TTL: variants seen among roughly 807,000 people sequenced by gnomAD.
TTL encodes the protein tubulin--tyrosine ligase.
A neutral mutation model predicts 41.1 loss-of-function variants in TTL; 10 were observed. That is an observed-to-expected ratio of 0.24 (90% CI 0.15 to 0.41). The LOEUF (loss-of-function observed/expected upper bound fraction) is 0.41, where lower values mean the gene tolerates loss of function less well. Among genes scored for constraint, TTL ranks in the 10% least tolerant of loss-of-function variants. The probability of loss-of-function intolerance (pLI) is 1.00; values close to 1 mark genes in which losing one functional copy is unlikely to be tolerated. For missense variants in TTL, 367 were observed against 460.4 expected (o/e 0.80, Z 1.86); for synonymous variants, 175 against 175.5 (o/e 1.00, Z 0.02).
At chr2:112,495,624 G>C (rs1681503688) in intron 3 of TTL, among the ~76,000 whole-genome samples, 1 of 152,174 alleles carries the variant, frequency 6.6e-6, no homozygotes. Context: ...GAGGCGGGCG[G>C]ATCACAAGGT....
intron 3 of TTL, among the ~76,000 whole-genome samples, chr2:112,500,072 A>G (rs1681649546): frequency 6.6e-6 from 1 of 152,198 alleles, no homozygotes; most frequent in Non-Finnish European, 1.5e-5. Context: ...AATGGGGATG[A>G]GCCTTGAAAA....
intron 6 of TTL, among the ~76,000 whole-genome samples, chr2:112,526,339 T>C (rs1244754146): frequency 6.6e-6 from 1 of 152,170 alleles, no homozygotes; most frequent in Non-Finnish European, 1.5e-5. Flanking sequence ...TTTCTGTTGA[T>C]TGGAATAGTT....
intron 2 of TTL, among the ~76,000 whole-genome samples, chr2:112,488,009 C>A (rs1681287827): frequency 6.6e-6 from 1 of 152,208 alleles, no homozygotes; most frequent in African/African-American, 2.4e-5. Context: ...TTTTAATCTG[C>A]ACAAATGGGA....
At chr2:112,507,862 G>T (rs1681832748) in intron 5 of TTL, among the ~76,000 whole-genome samples, 2 of 101,288 alleles carry the variant, frequency 2.0e-5, no homozygotes, top group African/African-American at 4.3e-5. Context: ...TCATTATGAT[G>T]TTAGCTGGTG....
rs887089445 is a variant in TTL, at chr2:112,519,999, G to A, written c.876-283G>A. ...TACAAAATTAGCTGGGTGCGGTGGC[G>A]CATGCCTGTAATCCCAGCTGCTCGG... On this transcript the variant is annotated intron_variant, in intron 5 of 6. Transcript: ENST00000233336. 4.0e-5 allele frequency among the ~76,000 whole-genome samples: 6 copies of A among 151,730 alleles called. No individual in the cohort carries two copies. The East Asian group carries it at 9.7e-4, about 24-fold the overall frequency.
intron 2 of TTL, among the ~76,000 whole-genome samples, chr2:112,491,593 T>A (rs1218001201): frequency 6.6e-6 from 1 of 152,236 alleles, no homozygotes; most frequent in Non-Finnish European, 1.5e-5. Context: ...TAAAATGGTT[T>A]TCTTTTTGTG....
At chr2:112,492,445 T>C (rs1463324985) in intron 2 of TTL, among the ~76,000 whole-genome samples, 1 of 151,772 alleles carries the variant, frequency 6.6e-6, no homozygotes, top group Non-Finnish European at 1.5e-5. Flanking sequence ...ATTAGCTGGG[T>C]GTGGGCCGGG....
At chr2:112,521,534 C>G (rs191145167) in intron 6 of TTL, among the ~76,000 whole-genome samples, 35 of 152,320 alleles carry the variant, frequency 2.3e-4, no homozygotes, top group Admixed American at 1.6e-3. Flanking sequence ...CTGCAAGGGA[C>G]GATGTCAACA....
intron 2 of TTL, among the ~76,000 whole-genome samples, chr2:112,486,419 A>G (rs771086133): frequency 3.3e-5 from 5 of 152,244 alleles, no homozygotes; most frequent in Non-Finnish European, 4.4e-5. Context: ...ATGCTCCAGT[A>G]TCAGTCAGCC....
Position 112,494,076 on chromosome 2 carries a change from G to A in TTL, c.237-67G>A. On this transcript the variant is annotated intron_variant, in intron 2 of 6. Transcript: ENST00000233336. ...CGGAAAGTCTCTGGGGGAAAGGAGT[G>A]GCCTTTCTGAAGGGAGTGACAAAGT... The A allele has an allele frequency of 1.6e-6, 2 of 1,249,218 alleles. 1 individual carries two copies. Among genetic ancestry groups the A allele is most frequent in the South Asian group, 2.7e-5 (2 of 73,762 alleles). 77.4% of individuals were successfully genotyped at this position (1,249,218 alleles called of 1,614,324 possible). A position where few individuals can be genotyped will look rare whatever the true frequency, so the allele number is the denominator to read the frequency against.
chr2:112,485,801 CATTTTCT>C lies in TTL; in HGVS notation c.158-114_158-108del, dbSNP rs576232721. 4.1e-4 allele frequency: 395 copies of C among 959,312 alleles called. 4 individuals are homozygous for C. Among genetic ancestry groups the C allele is most frequent in the South Asian group, 3.6e-3 (218 of 61,360 alleles). The allele number at this position is 959,312 out of a possible 1,614,324, so 59.4% of individuals were successfully genotyped here. A position where few individuals can be genotyped will look rare whatever the true frequency, so the allele number is the denominator to read the frequency against. ...AGAGAAACAAAATTGTTCCATTTTC[CATTTTCT>C]AACAGCCAATCCTGAGATGAGAGAG... On this transcript the variant is annotated intron_variant, in intron 1 of 6. Coordinates refer to ENST00000233336, the MANE Select transcript of TTL (RefSeq NM_153712.5).
At chr2:112,500,268 C>T (rs752810940) in intron 3 of TTL, among the ~76,000 whole-genome samples, 2 of 151,118 alleles carry the variant, frequency 1.3e-5, no homozygotes, top group Admixed American at 6.6e-5. Context: ...GTGGTGAAAC[C>T]GTTCTAAAAT....
chr2:112,500,170 C>T (rs1275214367), intron 3 of TTL, among the ~76,000 whole-genome samples: 1 of 152,012 alleles, frequency 6.6e-6, no homozygotes, highest in East Asian at 1.9e-4. Context: ...TCCATAGATA[C>T]AGAAAGTAGA....
At chr2:112,519,817 C>T (rs1682170825) in intron 5 of TTL, among the ~76,000 whole-genome samples, 1 of 151,902 alleles carries the variant, frequency 6.6e-6, no homozygotes, top group Non-Finnish European at 1.5e-5. Flanking sequence ...TCTTGAGTAA[C>T]CTAATGGTAA....
chr2:112,535,808 T>C lies in TTL; in HGVS notation c.*7013T>C, dbSNP rs1682586375. 2.0e-5 allele frequency: 3 copies of C among 152,178 alleles called. No homozygotes were observed. Among genetic ancestry groups the C allele is most frequent in the Admixed American group, 2.0e-4 (3 of 15,268 alleles). The allele number at this position is 152,178 out of a possible 1,614,324, so 9.4% of individuals were successfully genotyped here. A position where few individuals can be genotyped will look rare whatever the true frequency, so the allele number is the denominator to read the frequency against. On this transcript the variant is annotated 3_prime_UTR_variant, in exon 7 of 7. Coordinates refer to ENST00000233336, the MANE Select transcript of TTL (RefSeq NM_153712.5). ...CAAAAAACACACTTCATTTTATTTT[T>C]ATTTTTATTATTTAGAGACAGAGTC... is the stretch of plus-strand genomic sequence containing the variant.
Position 112,530,408 on chromosome 2 carries a change from A to G in TTL, c.*1613A>G, listed in dbSNP as rs1574075976. 2 of 230,904 alleles carry G rather than the reference A, an allele frequency of 8.7e-6. No homozygotes were observed. The highest frequency in any genetic ancestry group is 1.2e-4 in the East Asian group (2 of 16,260). 14.3% of individuals were successfully genotyped at this position (230,904 alleles called of 1,614,324 possible). ...TTACAAAATAAACGTCCTGGGGGTTACCCAGAATACAGATTTAAAAGTTTG... is the reference window on the plus strand; with the variant it reads ...TTACAAAATAAACGTCCTGGGGGTTGCCCAGAATACAGATTTAAAAGTTTG... On this transcript the variant is annotated 3_prime_UTR_variant, in exon 7 of 7. Coordinates refer to ENST00000233336, the MANE Select transcript of TTL (RefSeq NM_153712.5).
At chr2:112,502,846 T>C (rs1179353939) in intron 4 of TTL, 66 bp from the exon 5 acceptor site, 10 of 1,519,768 alleles carry the variant, frequency 6.6e-6, no homozygotes, top group Non-Finnish European at 1.8e-6. Flanking sequence ...GATGTGGGGA[T>C]TGATGTATAT....
intron 3 of TTL, among the ~76,000 whole-genome samples, chr2:112,499,558 G>A (rs1681635458): frequency 6.6e-6 from 1 of 152,166 alleles, no homozygotes; most frequent in Non-Finnish European, 1.5e-5. Context: ...AAAGGAGATA[G>A]GGCTTGGCAA....
chr2:112,512,714 T>C (rs1681958924), intron 5 of TTL, among the ~76,000 whole-genome samples: 1 of 152,222 alleles, frequency 6.6e-6, no homozygotes, highest in African/African-American at 2.4e-5. Flanking sequence ...TTAATTTTAA[T>C]CCAATATGAT....
Sources: gnomAD v4.1 joint callset for allele counts (sites outside exome capture counted in the v4.1 genomes callset) on GRCh38, gnomAD v4.1.1 for gene constraint, MANE v1.5 for transcripts, NCBI Gene and HGNC (gene_info 2026-07-23, HGNC 2026-07-21) for gene names.